CHCHD6: variants seen among roughly 807,000 people sequenced by gnomAD.
CHCHD6 encodes the protein MICOS complex subunit MIC25.
Under a neutral mutation model 32.3 loss-of-function variants are expected in CHCHD6, and 28 were observed. The observed-to-expected ratio is 0.87, with a 90% CI of 0.64 to 1.19. CHCHD6 has a LOEUF of 1.19. CHCHD6 is among the 50% of genes most tolerant of loss of function. The pLI is 0.00. For synonymous variants in CHCHD6, 122 were observed against 117.5 expected, an observed-to-expected ratio of 1.04 and a Z score of -0.25; for missense variants, 333 against 307.0, an observed-to-expected ratio of 1.08 and a Z score of -0.63.
chr3:126,905,623 C>G (rs1301725369), intron 5 of CHCHD6, among the ~76,000 whole-genome samples: 1 of 152,060 alleles, frequency 6.6e-6, no homozygotes, highest in African/African-American at 2.4e-5. Flanking sequence ...GTCCCTATAG[C>G]CACAGTCAGG....
intron 2 of CHCHD6, among the ~76,000 whole-genome samples, chr3:126,727,963 C>T (rs1935612942): frequency 6.6e-6 from 1 of 150,926 alleles, no homozygotes; most frequent in African/African-American, 2.4e-5. Flanking sequence ...TATCAGATTC[C>T]GTAACTCAAT....
At chr3:126,716,593 T>C (rs1455537140) in intron 1 of CHCHD6, among the ~76,000 whole-genome samples, 2 of 152,104 alleles carry the variant, frequency 1.3e-5, no homozygotes, top group African/African-American at 2.4e-5. Context: ...CCCAGGCCTC[T>C]AATAAATATT....
At chr3:126,772,904 C>T (rs1392939396) in intron 4 of CHCHD6, among the ~76,000 whole-genome samples, 1 of 152,162 alleles carries the variant, frequency 6.6e-6, no homozygotes. Context: ...CTTTCAGGAC[C>T]TCTGGTAAGG....
At chr3:126,948,060 C>T (rs1487297963) in intron 6 of CHCHD6, among the ~76,000 whole-genome samples, 1 of 152,224 alleles carries the variant, frequency 6.6e-6, no homozygotes, top group Non-Finnish European at 1.5e-5. Flanking sequence ...AAAGTGCACA[C>T]TGCTCTCAGA....
chr3:126,906,802 T>C (rs956001893), intron 5 of CHCHD6, among the ~76,000 whole-genome samples: 1 of 152,182 alleles, frequency 6.6e-6, no homozygotes, highest in African/African-American at 2.4e-5. Context: ...TCTGTTTGCG[T>C]TCATTATTCA....
intron 4 of CHCHD6, among the ~76,000 whole-genome samples, chr3:126,739,531 C>A (rs983442150): frequency 6.6e-6 from 1 of 152,134 alleles, no homozygotes; most frequent in African/African-American, 2.4e-5. Flanking sequence ...AAGAAACTAG[C>A]GGGTGGGAGC....
Position 126,727,127 on chromosome 3 carries a change from C to T in CHCHD6, c.137C>T (p.Pro46Leu), listed in dbSNP as rs758670812. The stretch of plus-strand genomic sequence containing the variant: ...ATGAAGGAGCCCAGCTCTCCACCCC[C>T]TGCTCCCACATCTTCTACCTTTGGC... Reference protein sequence around the residue: ...NRMKEPSSPPPAPTSSTFGLQ... With the variant: ...NRMKEPSSPPLAPTSSTFGLQ... The change falls in exon 2 of 8, where the codon CCT becomes CTT. Residue 46 changes from proline to leucine, a missense_variant. Coordinates refer to ENST00000290913, the MANE Select transcript of CHCHD6 (RefSeq NM_032343.3). 6.2e-7 allele frequency: 1 copy of T among 1,614,174 alleles called. No homozygotes were observed. The highest frequency in any genetic ancestry group is 8.5e-7 in the Non-Finnish European group (1 of 1,179,992).
intron 4 of CHCHD6, 47 bp from the exon 5 acceptor site, chr3:126,852,600 A>T: frequency 7.0e-7 from 1 of 1,418,750 alleles, no homozygotes; most frequent in Non-Finnish European, 1.0e-6. Context: ...GCACCATTCC[A>T]GCACCATCGC....
At chr3:126,891,465 G>A (rs1450678735) in intron 5 of CHCHD6, among the ~76,000 whole-genome samples, 2 of 152,168 alleles carry the variant, frequency 1.3e-5, no homozygotes, top group Non-Finnish European at 2.9e-5. Context: ...TGAGGCCAGT[G>A]AGGGGCAAGA....
rs572453706 is a variant in CHCHD6, at chr3:126,852,867, A to G, written c.495+137A>G. The G allele has an allele frequency of 3.5e-4, 218 of 629,226 alleles. No individual in the cohort carries two copies. In the African/African-American group the frequency reaches 3.6e-3, roughly 10 times the overall value. The allele number at this position is 629,226 out of a possible 1,614,324, so 39.0% of individuals were successfully genotyped here. A position where few individuals can be genotyped will look rare whatever the true frequency, so the allele number is the denominator to read the frequency against. The stretch of plus-strand genomic sequence containing the variant: ...CCCAGATGCCAGTCACTCCTTGGAC[A>G]TGCCCTCCTGCATTCTGCAGCAGGC... On this transcript the variant is annotated intron_variant, in intron 5 of 7. Transcript: ENST00000290913.
At chr3:126,745,688 C>A (rs915381428) in intron 4 of CHCHD6, among the ~76,000 whole-genome samples, 2 of 152,136 alleles carry the variant, frequency 1.3e-5, no homozygotes, top group African/African-American at 2.4e-5. Flanking sequence ...GCTTCGGAGG[C>A]CCCTGAGTAC....
At chr3:126,777,902 ACT>A (rs1391692947) in intron 4 of CHCHD6, among the ~76,000 whole-genome samples, 1 of 152,088 alleles carries the variant, frequency 6.6e-6, no homozygotes, top group Non-Finnish European at 1.5e-5. Context: ...CCCAAAAGAA[ACT>A]CTCTACCCAT....
intron 6 of CHCHD6, among the ~76,000 whole-genome samples, chr3:126,932,745 T>C (rs997785381): frequency 1.3e-5 from 2 of 152,228 alleles, no homozygotes. Flanking sequence ...ATGGCACATG[T>C]GCCCAGTGAC....
intron 5 of CHCHD6, among the ~76,000 whole-genome samples, chr3:126,892,381 G>A (rs1005950044): frequency 1.3e-5 from 2 of 152,150 alleles, no homozygotes; most frequent in African/African-American, 4.8e-5. Context: ...CCCAGCCCCC[G>A]ACTCTATCCA....
intron 4 of CHCHD6, among the ~76,000 whole-genome samples, chr3:126,756,742 G>GCT (rs1248193944): frequency 2.0e-5 from 3 of 152,352 alleles, no homozygotes; most frequent in Non-Finnish European, 4.4e-5. Context: ...TGTGCACCAT[G>GCT]CTCTGTTCCA....
At chr3:126,845,885 A>G (rs1941278432) in intron 4 of CHCHD6, among the ~76,000 whole-genome samples, 1 of 152,158 alleles carries the variant, frequency 6.6e-6, no homozygotes, top group Non-Finnish European at 1.5e-5. Flanking sequence ...AAACTGGCAA[A>G]ACTAGTCAGA....
At chr3:126,807,340 A>T (rs1939444012) in intron 4 of CHCHD6, among the ~76,000 whole-genome samples, 1 of 152,172 alleles carries the variant, frequency 6.6e-6, no homozygotes, top group South Asian at 2.1e-4. Flanking sequence ...CAGAAAAGAG[A>T]AAATATTGAA....
chr3:126,794,982 A>G (rs1183231399), intron 4 of CHCHD6, among the ~76,000 whole-genome samples: 1 of 152,194 alleles, frequency 6.6e-6, no homozygotes, highest in Non-Finnish European at 1.5e-5. Context: ...CTGGTCTTGC[A>G]TATTATTGAT....
intron 5 of CHCHD6, among the ~76,000 whole-genome samples, chr3:126,901,538 TA>T (rs2077928092): frequency 1.3e-5 from 2 of 152,158 alleles, no homozygotes; most frequent in African/African-American, 4.8e-5. Flanking sequence ...GAATGGATGC[TA>T]AAGAGGCCAC....
Sources: allele counts gnomAD v4.1 joint callset (sites outside exome capture counted in the v4.1 genomes callset), GRCh38; gene constraint gnomAD v4.1.1; transcripts MANE v1.5; gene names NCBI Gene and HGNC (gene_info 2026-07-23, HGNC 2026-07-21).